DONSON: variants seen among roughly 807,000 people sequenced by gnomAD.
DONSON encodes DNA replication fork stabilization factor DONSON.
Under a neutral mutation model 62.1 loss-of-function variants are expected in DONSON, and 43 were observed. The observed-to-expected ratio is 0.69, with a 90% CI of 0.54 to 0.89. DONSON has a LOEUF of 0.89. Among genes scored for constraint, DONSON ranks in the 40% least tolerant of loss-of-function variants. The pLI, the probability that DONSON is intolerant of heterozygous loss-of-function variation, is 0.00. For missense variants in DONSON, 696 were observed against 697.5 expected (o/e 1.00, Z 0.03); for synonymous variants, 266 against 264.6 (o/e 1.01, Z -0.05).
intron 8 of DONSON, 73 bp downstream of exon 8, chr21:33,581,229 T>C: frequency 7.1e-7 from 1 of 1,403,488 alleles, no homozygotes; most frequent in East Asian, 2.4e-5. Context: ...TAGGAGGTTT[T>C]TTTTTAAATC....
intron 8 of DONSON, 91 bp downstream of exon 8, chr21:33,581,210 TA>T (rs1019056890): frequency 3.2e-5 from 40 of 1,244,868 alleles, no homozygotes; most frequent in Non-Finnish European, 3.7e-5. Flanking sequence ...ATGTACCAAG[TA>T]AAAATGCTAG....
Position 33,587,597 on chromosome 21 carries a change from TAA to T in DONSON, c.325_326del (p.Leu109ArgfsTer3). The T allele has an allele frequency of 1.9e-6, 3 of 1,585,718 alleles. No individual in the cohort carries two copies. The highest frequency in any genetic ancestry group is 2.6e-6 in the Non-Finnish European group (3 of 1,168,510). ...GCAAATCATTTTCTTGATTAGAATC[TAA>T]AAACTGAGGTTAAATATATTCTCCT... ...REQPEAPVPF[L>X]DSNQENDLLW... On this transcript the variant is annotated frameshift_variant, in exon 2 of 10. Transcript: ENST00000303071. LOFTEE classifies it high-confidence loss of function.
chr21:33,583,208 A>C (rs1332831261), intron 5 of DONSON, among the ~76,000 whole-genome samples: 1 of 85,584 alleles, frequency 1.2e-5, no homozygotes. Context: ...CTCAAAAAAA[A>C]AAAAAAAAAA....
At chr21:33,584,489 T>C (rs938813433) in intron 4 of DONSON, 101 bp downstream of exon 4, 5 of 1,143,388 alleles carry the variant, frequency 4.4e-6, no homozygotes, top group Non-Finnish European at 6.1e-6. Context: ...AGGATCTAGA[T>C]ACCCTTCTGC....
In DONSON at chr21:33,577,720, A is replaced by C. The variant is rs528314057; in HGVS notation, c.*587T>G. On this transcript the variant is annotated 3_prime_UTR_variant, in exon 10 of 10. Transcript: ENST00000303071. ...ACACACACCCCTATAAGCACATTAA[A>C]TACTACTTTGCCGTGACAGCTCAGT... 87 of 149,682 alleles carry C rather than the reference A, an allele frequency of 5.8e-4. No homozygotes were observed. Among genetic ancestry groups the C allele is most frequent in the Non-Finnish European group, 1.1e-3 (73 of 68,176 alleles). 9.3% of individuals were successfully genotyped at this position (149,682 alleles called of 1,614,324 possible).
Position 33,582,045 on chromosome 21 carries a change from T to C in DONSON, c.1057A>G (p.Ile353Val). 1.9e-6 allele frequency: 3 copies of C among 1,614,178 alleles called. No individual in the cohort carries two copies. The highest frequency in any genetic ancestry group is 2.5e-6 in the Non-Finnish European group (3 of 1,180,006). ...CTTTCCTCTTCATCCTCATCACTGA[T>C]GGCTTGCTCCCTAGGAAATTGCTAC... The part of the protein sequence containing the change: ...TSLGYGEEQA[I>V]SDEDEEESFS... The change falls in exon 7 of 10, where the codon ATC becomes GTC. Residue 353 changes from isoleucine to valine, a missense_variant. Transcript: ENST00000303071.
At position 33,578,463 on chromosome 21, in the gene DONSON, A is replaced by G. The variant is rs2086461620; in HGVS notation, c.1564-19T>C. The stretch of plus-strand genomic sequence containing the variant: ...CAACCTCCTGTGGAAATGTGTGTAC[A>G]AGTCAGTAAAAAGCACATTAGTCTT... On this transcript the variant is annotated intron_variant, in intron 9 of 9. Coordinates refer to ENST00000303071, the MANE Select transcript of DONSON (RefSeq NM_017613.4). 6.2e-7 allele frequency: 1 copy of G among 1,603,094 alleles called. No individual in the cohort carries two copies. Among genetic ancestry groups the G allele is most frequent in the South Asian group, 1.1e-5 (1 of 89,204 alleles).
At chr21:33,581,021 G>A (rs1384742843) in intron 8 of DONSON, among the ~76,000 whole-genome samples, 1 of 152,206 alleles carries the variant, frequency 6.6e-6, no homozygotes, top group African/African-American at 2.4e-5. Flanking sequence ...AGGGGTTGCA[G>A]TGAGTTGAGA....
intron 8 of DONSON, 117 bp from the exon 9 acceptor site, chr21:33,579,679 T>A: frequency 3.9e-6 from 3 of 765,116 alleles, no homozygotes; most frequent in Non-Finnish European, 4.1e-6. Context: ...AATTATGGAA[T>A]AAAACTATTT....
chr21:33,580,197 C>T (rs368146225), intron 8 of DONSON, among the ~76,000 whole-genome samples: 42 of 151,522 alleles, frequency 2.8e-4, no homozygotes, highest in African/African-American at 1.0e-3. Context: ...CCACTGCTCT[C>T]CAGCCTGGGT....
In DONSON at chr21:33,588,414, C is replaced by T. The variant is rs1040644048; in HGVS notation, c.228G>A (p.Arg76=). Reference sequence around the variant, plus strand: ...TGTCCAGGCGGGCGAAGGGGTTCCTCCGAGCAGCGGCCGGGCCGCCGCCGC... The same window carrying T: ...TGTCCAGGCGGGCGAAGGGGTTCCTTCGAGCAGCGGCCGGGCCGCCGCCGC... ...GGSGGGPAAA[R]RNPFARLDNR... The change falls in exon 1 of 10, where the codon CGG becomes CGA. Residue 76 remains arginine, a synonymous_variant. Transcript: ENST00000303071. 2.3e-6 allele frequency: 3 copies of T among 1,309,176 alleles called. No individual in the cohort carries two copies. Among genetic ancestry groups the T allele is most frequent in the Non-Finnish European group, 2.9e-6 (3 of 1,030,172 alleles). The allele number at this position is 1,309,176 out of a possible 1,614,324, so 81.1% of individuals were successfully genotyped here. A position where few individuals can be genotyped will look rare whatever the true frequency, so the allele number is the denominator to read the frequency against.
chr21:33,581,155 T>TATA (rs1432042788), intron 8 of DONSON, 147 bp downstream of exon 8: 4 of 658,684 alleles, frequency 6.1e-6, no homozygotes, highest in Non-Finnish European at 1.0e-5. Flanking sequence ...CTGTCTTATA[T>TATA]AATTTTTGTT....
In DONSON at chr21:33,579,449, G is replaced by C. The variant is rs995612354; in HGVS notation, c.1464C>G (p.Leu488=). ...AGAAAGATCCACTCTGTGAAGATTT[G>C]AGCAGCATGGTCAGTGAATGCAGAG... ...PHSLHSLTML[L]KSSQSGSFSA... is the part of the protein sequence containing the mutation. Residue 488 remains leucine (L), a synonymous_variant, in exon 9 of 10, where the codon CTC becomes CTG. Transcript: ENST00000303071. The C allele has an allele frequency of 1.2e-6, 2 of 1,614,196 alleles. No homozygotes were observed. Among genetic ancestry groups the C allele is most frequent in the Non-Finnish European group, 8.5e-7 (1 of 1,180,024 alleles).
intron 4 of DONSON, 134 bp from the exon 5 acceptor site, chr21:33,583,800 T>C: frequency 1.3e-6 from 1 of 789,342 alleles, no homozygotes; most frequent in South Asian, 2.3e-5. Flanking sequence ...ATTTTTGTGG[T>C]TACGTATGAC....
At chr21:33,582,606 G>A (rs1236880136) in intron 5 of DONSON, among the ~76,000 whole-genome samples, 1 of 152,150 alleles carries the variant, frequency 6.6e-6, no homozygotes. Context: ...AGAATTTCTA[G>A]AAGAGTATAT....
intron 8 of DONSON, among the ~76,000 whole-genome samples, chr21:33,580,176 C>G (rs1208688273): frequency 6.6e-6 from 1 of 151,646 alleles, no homozygotes; most frequent in Non-Finnish European, 1.5e-5. Flanking sequence ...TTGCAGTGAG[C>G]CAAAATTGAG....
chr21:33,578,730 G>A (rs2086466159), intron 9 of DONSON, among the ~76,000 whole-genome samples: 1 of 152,186 alleles, frequency 6.6e-6, no homozygotes, highest in Non-Finnish European at 1.5e-5. Flanking sequence ...TACCCACAGT[G>A]AATTGTTTCC....
chr21:33,579,733 AAATT>A, intron 8 of DONSON, 171 bp from the exon 9 acceptor site: 1 of 535,302 alleles, frequency 1.9e-6, no homozygotes, highest in Non-Finnish European at 3.3e-6. Context: ...AATACTTAGT[AAATT>A]TTCAGCAACC....
chr21:33,582,340 T>A (rs2086522401), intron 5 of DONSON, 94 bp from the exon 6 acceptor site: 1 of 1,005,844 alleles, frequency 9.9e-7, no homozygotes. Flanking sequence ...AAATGTTAGT[T>A]TTTACAAATG....
Sources: gnomAD v4.1 joint callset for allele counts (sites outside exome capture counted in the v4.1 genomes callset) on GRCh38, gnomAD v4.1.1 for gene constraint, MANE v1.5 for transcripts, NCBI Gene and HGNC (gene_info 2026-07-23, HGNC 2026-07-21) for gene names.